Variants in ATP2C2 observed in about 807,000 individuals in gnomAD.
The protein encoded by ATP2C2 is calcium-transporting ATPase type 2C member 2.
A neutral mutation model predicts 110.8 loss-of-function variants in ATP2C2; 171 were observed. The observed-to-expected ratio is 1.54, with a 90% CI of 1.36 to 1.75. The LOEUF is 1.75. Among genes scored for constraint, ATP2C2 ranks in the 40% most tolerant of loss-of-function variants. ATP2C2 has a pLI of 0.00. For synonymous variants in ATP2C2, 804 were observed against 508.4 expected (o/e 1.58, Z -7.82); for missense variants, 1,963 against 1,235.0 (o/e 1.59, Z -8.84).
intron 4 of ATP2C2, among the ~76,000 whole-genome samples, 157 bp from the exon 5 acceptor site, chr16:84,410,411 T>C (rs1489231214): frequency 6.6e-6 from 1 of 152,176 alleles, no homozygotes; most frequent in Non-Finnish European, 1.5e-5. Flanking sequence ...TTTTTCCTGC[T>C]CTTTTGGCTA....
chr16:84,368,666 CG>C lies in ATP2C2; in HGVS notation c.56del (p.Gly19AlafsTer15). The C allele has an allele frequency of 1.3e-6, 2 of 1,564,378 alleles. No individual in the cohort carries two copies. Among genetic ancestry groups the C allele is most frequent in the Non-Finnish European group, 1.7e-6 (2 of 1,156,874 alleles). On this transcript the variant is annotated frameshift_variant, in exon 1 of 27. Coordinates refer to ENST00000262429, the MANE Select transcript of ATP2C2 (RefSeq NM_014861.4). LOFTEE classifies it high-confidence loss of function. ...TCCTGAAGAAACTCGGCTTCTCGGGCGGGGGCCGCCAGTACCAGGCGCTGGA... is the reference window on the plus strand; with the variant it reads ...TCCTGAAGAAACTCGGCTTCTCGGGCGGGGCCGCCAGTACCAGGCGCTGGA... ...EFLKKLGFSG[G>X]GRQYQALEKD... is the part of the protein sequence containing the mutation.
chr16:84,450,537 G>T (rs1192921198), intron 17 of ATP2C2, among the ~76,000 whole-genome samples: 3 of 152,156 alleles, frequency 2.0e-5, no homozygotes, highest in African/African-American at 7.2e-5. Context: ...AGAAGCAGGG[G>T]ATGCTCCTGG....
At chr16:84,368,754 C>A (rs1440024646) in intron 1 of ATP2C2, 40 bp downstream of exon 1, 1 of 1,436,466 alleles carries the variant, frequency 7.0e-7, no homozygotes, top group Non-Finnish European at 9.3e-7. Context: ...GCGACCCGAC[C>A]CCCCATCCCC....
intron 11 of ATP2C2, among the ~76,000 whole-genome samples, chr16:84,434,127 G>T (rs551910374): frequency 6.6e-6 from 1 of 152,060 alleles, no homozygotes; most frequent in South Asian, 2.1e-4. Context: ...TTTTTAAAAC[G>T]AATTCCTGGG....
chr16:84,405,254 G>C lies in ATP2C2; in HGVS notation c.327+10G>C, dbSNP rs1905660198. 1 of 1,604,838 alleles carries C rather than the reference G, an allele frequency of 6.2e-7. No individual in the cohort carries two copies. The highest frequency in any genetic ancestry group is 8.5e-7 in the Non-Finnish European group (1 of 1,172,686). ...GAAATACCTGGATCAGGTAGGACCAGAGGTGTCATTCTTTGCATTAACATG... is the reference window on the plus strand; with the variant it reads ...GAAATACCTGGATCAGGTAGGACCACAGGTGTCATTCTTTGCATTAACATG... On this transcript the variant is annotated intron_variant, in intron 3 of 26. Transcript: ENST00000262429.
chr16:84,450,988 G>C (rs1248273894), intron 17 of ATP2C2, among the ~76,000 whole-genome samples: 1 of 152,146 alleles, frequency 6.6e-6, no homozygotes, highest in Non-Finnish European at 1.5e-5. Context: ...TGGGAAGTGG[G>C]GTGGGTCTTA....
intron 1 of ATP2C2, among the ~76,000 whole-genome samples, chr16:84,380,029 C>T (rs1910485286): frequency 6.6e-6 from 1 of 152,124 alleles, no homozygotes; most frequent in Admixed American, 6.6e-5. Context: ...CGTGCTCCTG[C>T]ATTTATTATT....
chr16:84,398,383 G>A (rs1411985303), intron 1 of ATP2C2, 116 bp from the exon 2 acceptor site: 4 of 501,942 alleles, frequency 8.0e-6, no homozygotes, highest in Admixed American at 4.1e-5. Flanking sequence ...TCCAGCCTGG[G>A]TGACAGAGTG....
At chr16:84,443,135 A>T (rs375094474) in intron 15 of ATP2C2, among the ~76,000 whole-genome samples, 1 of 152,042 alleles carries the variant, frequency 6.6e-6, no homozygotes, top group Non-Finnish European at 1.5e-5. Flanking sequence ...TGCTCAGAGG[A>T]CAAGTTAGAA....
intron 11 of ATP2C2, among the ~76,000 whole-genome samples, chr16:84,427,208 G>A (rs994803366): frequency 5.3e-5 from 8 of 152,136 alleles, no homozygotes; most frequent in Non-Finnish European, 8.8e-5. Flanking sequence ...GTATATATAT[G>A]TAATTAATAC....
At chr16:84,443,420 C>T (rs1449965558) in intron 15 of ATP2C2, among the ~76,000 whole-genome samples, 4 of 152,112 alleles carry the variant, frequency 2.6e-5, no homozygotes, top group Non-Finnish European at 4.4e-5. Context: ...GTCTCTGACT[C>T]GGGTGTGATC....
At chr16:84,400,642 G>A (rs2151418629) in intron 2 of ATP2C2, among the ~76,000 whole-genome samples, 1 of 152,170 alleles carries the variant, frequency 6.6e-6, no homozygotes, top group East Asian at 1.9e-4. Flanking sequence ...TTAGTTTTTT[G>A]AGGAACCCTC....
intron 6 of ATP2C2, among the ~76,000 whole-genome samples, chr16:84,412,914 G>C (rs1906506492): frequency 6.7e-6 from 1 of 150,288 alleles, no homozygotes; most frequent in Non-Finnish European, 1.5e-5. Context: ...TGGCCAACAT[G>C]GTGAAACTCT....
intron 23 of ATP2C2, chr16:84,459,870 T>C (rs1911101466): frequency 5.5e-6 from 2 of 364,974 alleles, no homozygotes; most frequent in East Asian, 5.7e-5. Flanking sequence ...TGTCTAGAGA[T>C]AAAGGGCTTG....
intron 11 of ATP2C2, among the ~76,000 whole-genome samples, chr16:84,427,885 C>A (rs1257678443): frequency 6.6e-6 from 1 of 152,072 alleles, no homozygotes; most frequent in Non-Finnish European, 1.5e-5. Context: ...GTGCACGACT[C>A]TGCATACACT....
At chr16:84,412,264 AT>A (rs1383938337) in intron 6 of ATP2C2, among the ~76,000 whole-genome samples, 1 of 126,942 alleles carries the variant, frequency 7.9e-6, no homozygotes, top group Non-Finnish European at 1.9e-5. Context: ...ATGTGTGTGT[AT>A]GTATGTGTGT....
chr16:84,459,257 G>T lies in ATP2C2; in HGVS notation c.2217-13G>T. On this transcript the variant is annotated splice_polypyrimidine_tract_variant and intron_variant, in intron 22 of 26. Transcript: ENST00000262429. ...TGGCGGGCGGCCGCTGACTGGCTGCGTGTGCCCCGCAGGAGCATCTCCGCC... is the reference window on the plus strand; with the variant it reads ...TGGCGGGCGGCCGCTGACTGGCTGCTTGTGCCCCGCAGGAGCATCTCCGCC... 6.2e-7 allele frequency: 1 copy of T among 1,614,114 alleles called. No homozygotes were observed.
chr16:84,460,642 T>C lies in ATP2C2; in HGVS notation c.2334-12T>C, dbSNP rs1911214570. On this transcript the variant is annotated splice_polypyrimidine_tract_variant and intron_variant, in intron 23 of 26. Transcript: ENST00000262429. ...GGTTCATTTCAAAGTGTCTGTGTCT[T>C]GTTCGGAGCAGCTTGGGGGTAGAGC... The C allele has an allele frequency of 6.2e-7, 1 of 1,614,060 alleles. No homozygotes were observed. Among genetic ancestry groups the C allele is most frequent in the Admixed American group, 1.7e-5 (1 of 60,008 alleles).
Position 84,460,948 on chromosome 16 carries a change from G to A in ATP2C2, c.2481+147G>A. ...GACAATGTGATGCCATCAGAGGCGT[G>A]GGGTGCATGAGGCAAAGGGACTGGG... is the stretch of plus-strand genomic sequence containing the variant. On this transcript the variant is annotated intron_variant, in intron 24 of 26. Transcript: ENST00000262429. 3 of 1,200,478 alleles carry A rather than the reference G, an allele frequency of 2.5e-6. No homozygotes were observed. In the Admixed American group the frequency reaches 8.3e-5, roughly 33 times the overall value. 74.4% of individuals were successfully genotyped at this position (1,200,478 alleles called of 1,614,324 possible).
Sources: gnomAD v4.1 joint callset for allele counts (sites outside exome capture counted in the v4.1 genomes callset) on GRCh38, gnomAD v4.1.1 for gene constraint, MANE v1.5 for transcripts, NCBI Gene and HGNC (gene_info 2026-07-23, HGNC 2026-07-21) for gene names.